CTIF: variants seen among roughly 807,000 people sequenced by gnomAD.
The protein encoded by CTIF is cap binding complex dependent translation initiation factor, also known as CBP80/20-dependent translation initiation factor.
A neutral mutation model predicts 66.0 loss-of-function variants in CTIF; 21 were observed. The observed-to-expected ratio is 0.32, with a 90% CI of 0.23 to 0.46. The LOEUF is 0.46. CTIF is among the 20% of genes least tolerant of loss of function. CTIF has a pLI of 1.00. For missense variants in CTIF, 739 were observed against 812.7 expected (o/e 0.91, Z 1.10); for synonymous variants, 345 against 326.4 (o/e 1.06, Z -0.62).
intron 7 of CTIF, among the ~76,000 whole-genome samples, chr18:48,712,297 C>T (rs1022851958): frequency 6.6e-6 from 1 of 152,114 alleles, no homozygotes; most frequent in East Asian, 1.9e-4. Context: ...ACAATGGGGC[C>T]AGGAAAGGGG....
chr18:48,561,745 G>T (rs1440034414), intron 1 of CTIF, among the ~76,000 whole-genome samples: 2 of 152,016 alleles, frequency 1.3e-5, no homozygotes, highest in African/African-American at 4.8e-5. Context: ...TCCTTCCTGG[G>T]GCACTTGATT....
intron 10 of CTIF, among the ~76,000 whole-genome samples, chr18:48,847,336 T>G (rs1599158398): frequency 6.7e-6 from 1 of 148,904 alleles, no homozygotes; most frequent in African/African-American, 2.5e-5. Flanking sequence ...AATTATGAGC[T>G]CCAACCAGCA....
intron 7 of CTIF, among the ~76,000 whole-genome samples, chr18:48,715,208 A>G (rs1278884201): frequency 6.6e-6 from 1 of 152,172 alleles, no homozygotes; most frequent in African/African-American, 2.4e-5. Context: ...TCCTGATGCC[A>G]TGGGCTGCGT....
chr18:48,640,874 C>T (rs903991189), intron 3 of CTIF, among the ~76,000 whole-genome samples: 10 of 152,198 alleles, frequency 6.6e-5, no homozygotes, highest in Admixed American at 4.6e-4. Context: ...TTTCTGAACC[C>T]TTTCAGAGGC....
At chr18:48,773,954 A>T (rs930109257) in intron 9 of CTIF, among the ~76,000 whole-genome samples, 1 of 152,134 alleles carries the variant, frequency 6.6e-6, no homozygotes, top group Non-Finnish European at 1.5e-5. Context: ...CCGCTCTAAG[A>T]GTATTTATAC....
chr18:48,844,790 C>T (rs1165326491), intron 10 of CTIF, among the ~76,000 whole-genome samples: 1 of 152,228 alleles, frequency 6.6e-6, no homozygotes, highest in Non-Finnish European at 1.5e-5. Flanking sequence ...CATAAAACAG[C>T]ACTAATTTTG....
At chr18:48,780,930 A>C (rs1254295543) in intron 9 of CTIF, among the ~76,000 whole-genome samples, 1 of 152,168 alleles carries the variant, frequency 6.6e-6, no homozygotes, top group Non-Finnish European at 1.5e-5. Context: ...CTCCTCTGTC[A>C]TCCCATCCCC....
chr18:48,783,260 C>T (rs557603100), intron 9 of CTIF, among the ~76,000 whole-genome samples: 1 of 152,332 alleles, frequency 6.6e-6, no homozygotes, highest in East Asian at 1.9e-4. Context: ...GTCTACATTG[C>T]ACCAGCACGG....
intron 6 of CTIF, among the ~76,000 whole-genome samples, chr18:48,675,705 C>A (rs1306340000): frequency 5.3e-5 from 8 of 152,140 alleles, no homozygotes; most frequent in South Asian, 2.1e-4. Context: ...CTCCAGAGGG[C>A]CCGCCCCTCC....
At chr18:48,765,990 A>C (rs1394644284) in intron 9 of CTIF, among the ~76,000 whole-genome samples, 3 of 149,218 alleles carry the variant, frequency 2.0e-5, no homozygotes, top group Non-Finnish European at 4.4e-5. Flanking sequence ...TTTAGGGTAC[A>C]TGTGCACAAC....
At chr18:48,559,836 C>T (rs538160239) in intron 1 of CTIF, among the ~76,000 whole-genome samples, 5 of 152,178 alleles carry the variant, frequency 3.3e-5, no homozygotes, top group South Asian at 2.1e-4. Context: ...GATCAAAAAA[C>T]GACCTGTTGG....
At chr18:48,581,438 T>C (rs1041351991) in intron 1 of CTIF, among the ~76,000 whole-genome samples, 3 of 151,604 alleles carry the variant, frequency 2.0e-5, no homozygotes, top group East Asian at 1.9e-4. Context: ...TCTCTTTTTT[T>C]CCATGGCCCA....
At chr18:48,671,443 C>T (rs1281228130) in intron 6 of CTIF, among the ~76,000 whole-genome samples, 3 of 152,290 alleles carry the variant, frequency 2.0e-5, no homozygotes, top group East Asian at 1.9e-4. Context: ...TCCACTGTGC[C>T]ACCCTTCCCT....
At chr18:48,581,632 A>G (rs959167430) in intron 1 of CTIF, among the ~76,000 whole-genome samples, 1 of 152,138 alleles carries the variant, frequency 6.6e-6, no homozygotes, top group South Asian at 2.1e-4. Flanking sequence ...ACCCCTGTCC[A>G]GTGTGCCCCA....
chr18:48,658,522 T>TGTGTGTGGTGTGTAC (rs1387580619), intron 3 of CTIF, among the ~76,000 whole-genome samples: 1 of 152,080 alleles, frequency 6.6e-6, no homozygotes, highest in African/African-American at 2.4e-5. Context: ...TATACATGTA[T>TGTGTGTGGTGTGTAC]GTGTGTGGTG....
chr18:48,564,483 C>T (rs1389552802), intron 1 of CTIF, among the ~76,000 whole-genome samples: 1 of 152,208 alleles, frequency 6.6e-6, no homozygotes, highest in Non-Finnish European at 1.5e-5. Context: ...TGCCCTCTTT[C>T]ATCTAATAGT....
chr18:48,726,085 C>T (rs992010238), intron 7 of CTIF, among the ~76,000 whole-genome samples: 4 of 152,160 alleles, frequency 2.6e-5, no homozygotes, highest in African/African-American at 7.2e-5. Flanking sequence ...TTCTGCAGTT[C>T]AAATGAGGTG....
chr18:48,616,308 G>C (rs527904393), intron 1 of CTIF, among the ~76,000 whole-genome samples: 1 of 152,216 alleles, frequency 6.6e-6, no homozygotes, highest in African/African-American at 2.4e-5. Flanking sequence ...CCCATCCAGC[G>C]GAGGCCAGCT....
chr18:48,743,949 G>A (rs907617729), intron 7 of CTIF, among the ~76,000 whole-genome samples: 2 of 152,154 alleles, frequency 1.3e-5, no homozygotes, highest in African/African-American at 2.4e-5. Context: ...TTTCCCTCCC[G>A]TTGAGGGGCT....
Sources: allele counts gnomAD v4.1 joint callset (sites outside exome capture counted in the v4.1 genomes callset), GRCh38; gene constraint gnomAD v4.1.1; transcripts MANE v1.5; gene names NCBI Gene and HGNC (gene_info 2026-07-23, HGNC 2026-07-21).